Variants in NUCB1 observed in about 807,000 individuals in gnomAD.
The protein encoded by NUCB1 is nucleobindin-1.
In NUCB1, 47 loss-of-function variants were observed where a neutral mutation model predicts 61.2. That is an observed-to-expected ratio of 0.77 (90% CI 0.61 to 0.98). NUCB1 has a LOEUF of 0.98. Among genes scored for constraint, NUCB1 ranks in the 50% least tolerant of loss-of-function variants. NUCB1 has a pLI of 0.00. For missense variants in NUCB1, 583 were observed against 605.3 expected, an observed-to-expected ratio of 0.96 and a Z score of 0.39; for synonymous variants, 234 against 243.1, an observed-to-expected ratio of 0.96 and a Z score of 0.35.
intron 5 of NUCB1, 97 bp downstream of exon 5, chr19:48,911,349 G>C: frequency 5.0e-6 from 4 of 800,442 alleles, no homozygotes; most frequent in Non-Finnish European, 4.3e-6. Flanking sequence ...CACCATTCCT[G>C]CTGGTGTTCT....
chr19:48,908,056 G>C (rs1391816809), intron 4 of NUCB1, among the ~76,000 whole-genome samples: 1 of 152,128 alleles, frequency 6.6e-6, no homozygotes, highest in Non-Finnish European at 1.5e-5. Context: ...TTGTGTCCTT[G>C]GTATTCCTTT....
In NUCB1 at chr19:48,918,525, AC is replaced by A. The variant is rs3214454; in HGVS notation, c.758-196del. On this transcript the variant is annotated intron_variant, in intron 7 of 12. Transcript: ENST00000405315. ...CTCCCTTTGATCTATTCCATTCTCA[AC>A]CCCCTGGTCGCTAGGCAGTGGCCCT... 2.5e-5 allele frequency: 15 copies of A among 603,544 alleles called. No individual in the cohort carries two copies. The East Asian group carries it at 4.2e-4, about 17-fold the overall frequency. The allele number at this position is 603,544 out of a possible 1,614,324, so 37.4% of individuals were successfully genotyped here. A position where few individuals can be genotyped will look rare whatever the true frequency, so the allele number is the denominator to read the frequency against.
At chr19:48,910,978 A>T (rs1292728084) in intron 4 of NUCB1, 171 bp from the exon 5 acceptor site, 1 of 575,770 alleles carries the variant, frequency 1.7e-6, no homozygotes, top group Non-Finnish European at 3.1e-6. Context: ...TAAGCATCAG[A>T]CTCAGTCGTG....
At chr19:48,900,984 T>G (rs537381441) in intron 2 of NUCB1, 53 bp downstream of exon 2, 2 of 1,605,420 alleles carry the variant, frequency 1.2e-6, no homozygotes, top group South Asian at 2.2e-5. Flanking sequence ...GTACTACAGC[T>G]CCTGCAGACC....
At chr19:48,922,259 G>T in intron 12 of NUCB1, 59 bp from the exon 13 acceptor site, 1 of 1,440,596 alleles carries the variant, frequency 6.9e-7, no homozygotes, top group East Asian at 2.3e-5. Context: ...GGCCTCTGGG[G>T]TCCTGGGGGA....
chr19:48,919,065 C>T lies in NUCB1; in HGVS notation c.852C>T (p.Asp284=), dbSNP rs201461096. Residue 284 remains aspartate, a synonymous_variant, in exon 9 of 13, where the codon GAC becomes GAT. Coordinates refer to ENST00000405315, the MANE Select transcript of NUCB1 (RefSeq NM_006184.6). ...TGTACGACCCAAAGAATGAGGAGGA[C>T]GACATGCGGGAGATGGAGGAGGAGC... ...EKVYDPKNEE[D]DMREMEEERL... is the part of the protein sequence containing the mutation. 2.5e-6 allele frequency: 4 copies of T among 1,613,866 alleles called. No individual in the cohort carries two copies. The highest frequency in any genetic ancestry group is 2.7e-5 in the African/African-American group (2 of 74,878).
At chr19:48,904,232 G>A in intron 2 of NUCB1, 115 bp from the exon 3 acceptor site, 1 of 636,604 alleles carries the variant, frequency 1.6e-6, no homozygotes, top group Non-Finnish European at 2.9e-6. Flanking sequence ...GTGGGAAAAG[G>A]TAAAAACTGA....
In NUCB1 at chr19:48,921,902, G is replaced by A; in HGVS notation, c.1249G>A (p.Glu417Lys). Residue 417 changes from glutamate (E) to lysine (K), a missense_variant, in exon 12 of 13, where the codon GAG (glutamate) becomes AAG (lysine). Coordinates refer to ENST00000405315, the MANE Select transcript of NUCB1 (RefSeq NM_006184.6). ...CCACAAGGCCCCGGCTGCCCACCCTGAGGGGCAGCTCAAGTTCCACCCAGA... is the reference window on the plus strand; with the variant it reads ...CCACAAGGCCCCGGCTGCCCACCCTAAGGGGCAGCTCAAGTTCCACCCAGA... ...QGHKAPAAHP[E>K]GQLKFHPDTD... The A allele has an allele frequency of 6.2e-7, 1 of 1,609,910 alleles. No individual in the cohort carries two copies. Among genetic ancestry groups the A allele is most frequent in the Non-Finnish European group, 8.5e-7 (1 of 1,178,602 alleles).
intron 4 of NUCB1, among the ~76,000 whole-genome samples, chr19:48,909,466 C>T (rs995451391): frequency 6.6e-6 from 1 of 151,950 alleles, no homozygotes; most frequent in Admixed American, 6.6e-5. Context: ...AGGCTGGTTT[C>T]GAATTCCTGA....
chr19:48,906,033 G>A (rs1162093487), intron 4 of NUCB1, 148 bp downstream of exon 4: 11 of 714,470 alleles, frequency 1.5e-5, no homozygotes, highest in Non-Finnish European at 2.6e-5. Flanking sequence ...GATTGCCCCA[G>A]TGTTCCTCCC....
chr19:48,922,818 T>C lies in NUCB1; in HGVS notation c.*394T>C, dbSNP rs1021191046. The C allele has an allele frequency of 4.2e-5, 8 of 191,622 alleles. No individual in the cohort carries two copies. Among genetic ancestry groups the C allele is most frequent in the Non-Finnish European group, 8.7e-5 (8 of 91,906 alleles). The allele number at this position is 191,622 out of a possible 1,614,324, so 11.9% of individuals were successfully genotyped here. A position where few individuals can be genotyped will look rare whatever the true frequency, so the allele number is the denominator to read the frequency against. On this transcript the variant is annotated 3_prime_UTR_variant, in exon 13 of 13. Coordinates refer to ENST00000405315, the MANE Select transcript of NUCB1 (RefSeq NM_006184.6). ...CCCTAGCATCCTGTATGCCCACAGC[T>C]ACTGGAATCCCCGCTGCTGCTCCGG... is the stretch of plus-strand genomic sequence containing the variant.
intron 2 of NUCB1, among the ~76,000 whole-genome samples, chr19:48,903,841 G>C (rs1302438424): frequency 7.1e-6 from 1 of 139,970 alleles, no homozygotes; most frequent in African/African-American, 2.6e-5. Context: ...TGGATGAGTG[G>C]ATGGATGGAT....
rs368813697 is a variant in NUCB1, at chr19:48,904,518, G to A, written c.243+64G>A. Reference sequence around the variant, plus strand: ...GCTGGGAGGGCAGAGTTCAGGGGAGGACTGGTTTCTTTTTTTTTTTTTTTG... The same window carrying A: ...GCTGGGAGGGCAGAGTTCAGGGGAGAACTGGTTTCTTTTTTTTTTTTTTTG... On this transcript the variant is annotated intron_variant, in intron 3 of 12. Coordinates refer to ENST00000405315, the MANE Select transcript of NUCB1 (RefSeq NM_006184.6). The A allele has an allele frequency of 1.8e-4, 169 of 964,404 alleles. 1 individual carries two copies. In the East Asian group the frequency reaches 3.5e-3, roughly 20 times the overall value. 59.7% of individuals were successfully genotyped at this position (964,404 alleles called of 1,614,324 possible).
chr19:48,900,975 T>C, intron 2 of NUCB1, 44 bp downstream of exon 2: 1 of 1,610,932 alleles, frequency 6.2e-7, no homozygotes, highest in African/African-American at 1.3e-5. Flanking sequence ...TTTGCAGTGG[T>C]ACTACAGCTC....
At chr19:48,908,719 G>GGGGTGGGT (rs201262147) in intron 4 of NUCB1, among the ~76,000 whole-genome samples, 13 of 70,232 alleles carry the variant, frequency 1.9e-4, no homozygotes, top group South Asian at 4.6e-4. Context: ...ACTTGACCAA[G>GGGGTGGGT]GGGTGTGTGT....
intron 5 of NUCB1, among the ~76,000 whole-genome samples, chr19:48,912,295 G>A (rs2037483000): frequency 6.6e-6 from 1 of 152,038 alleles, no homozygotes; most frequent in Non-Finnish European, 1.5e-5. Context: ...CAAAGTGCTA[G>A]GATTCCAGGC....
At chr19:48,919,501 G>A (rs901895175) in intron 10 of NUCB1, among the ~76,000 whole-genome samples, 4 of 145,534 alleles carry the variant, frequency 2.7e-5, no homozygotes, top group Admixed American at 2.1e-4. Context: ...ATTCTGAGAC[G>A]GAGTCTCACT....
chr19:48,919,577 A>C (rs987904537), intron 10 of NUCB1, among the ~76,000 whole-genome samples: 16 of 151,512 alleles, frequency 1.1e-4, no homozygotes, highest in Non-Finnish European at 2.1e-4. Context: ...TCCCAGGTTC[A>C]AGCAATTCTC....
intron 7 of NUCB1, among the ~76,000 whole-genome samples, chr19:48,915,169 G>C (rs1161376742): frequency 6.6e-6 from 1 of 151,766 alleles, no homozygotes; most frequent in Non-Finnish European, 1.5e-5. Context: ...GAACACAAAA[G>C]TGCATCTCAG....
Sources: gnomAD v4.1 joint callset for allele counts (sites outside exome capture counted in the v4.1 genomes callset) on GRCh38, gnomAD v4.1.1 for gene constraint, MANE v1.5 for transcripts, NCBI Gene and HGNC (gene_info 2026-07-23, HGNC 2026-07-21) for gene names.